Variants in FGF14 observed in about 807,000 individuals in gnomAD.
FGF14 encodes fibroblast growth factor homologous factor 4.
In FGF14, 5 loss-of-function variants were observed where a neutral mutation model predicts 25.5. The ratio of observed to expected loss-of-function variants is 0.20; its 90% CI spans 0.10 to 0.41. The LOEUF (loss-of-function observed/expected upper bound fraction) is 0.41, where lower values mean the gene tolerates loss of function less well. Ranked by LOEUF, FGF14 falls within the 10% of genes least tolerant of loss-of-function variation. FGF14 has a pLI of 1.00. For synonymous variants in FGF14, 138 were observed against 118.3 expected (o/e 1.17, Z -1.08); for missense variants, 222 against 320.1 (o/e 0.69, Z 2.34).
At chr13:102,061,025 G>T (rs893846944) in intron 1 of FGF14, among the ~76,000 whole-genome samples, 1 of 152,172 alleles carries the variant, frequency 6.6e-6, no homozygotes, top group Non-Finnish European at 1.5e-5. Flanking sequence ...TGGGAGGAGA[G>T]CCCGGCAGCT....
chr13:102,009,313 A>G (rs1001964466), intron 1 of FGF14, among the ~76,000 whole-genome samples: 3 of 152,236 alleles, frequency 2.0e-5, no homozygotes, highest in African/African-American at 4.8e-5. Flanking sequence ...TCGGTAATAG[A>G]TATTTACAAT....
intron 1 of FGF14, among the ~76,000 whole-genome samples, chr13:101,993,535 A>G (rs2039017281): frequency 6.6e-6 from 1 of 152,068 alleles, no homozygotes; most frequent in African/African-American, 2.4e-5. Context: ...TGAATAGTGA[A>G]ATGTATGGCA....
At chr13:102,180,390 G>A (rs1476120074) in intron 1 of FGF14, among the ~76,000 whole-genome samples, 1 of 152,054 alleles carries the variant, frequency 6.6e-6, no homozygotes, top group Non-Finnish European at 1.5e-5. Context: ...TCAGCTCACT[G>A]CAACCTTTGC....
At chr13:102,398,974 T>G (rs1283421970) in intron 1 of FGF14, among the ~76,000 whole-genome samples, 1 of 151,476 alleles carries the variant, frequency 6.6e-6, no homozygotes, top group African/African-American at 2.4e-5. Flanking sequence ...AATTATCCTA[T>G]TAGAATAGTT....
intron 1 of FGF14, among the ~76,000 whole-genome samples, chr13:101,891,550 T>G (rs2029861260): frequency 6.6e-6 from 1 of 152,202 alleles, no homozygotes; most frequent in Non-Finnish European, 1.5e-5. Context: ...TAGCCATTAT[T>G]CACTGTGTCA....
At chr13:102,082,681 G>A (rs531120561) in intron 1 of FGF14, among the ~76,000 whole-genome samples, 14 of 152,278 alleles carry the variant, frequency 9.2e-5, no homozygotes, top group East Asian at 5.8e-4. Context: ...GGGGCCGGGC[G>A]CGGTGGCTCA....
intron 1 of FGF14, among the ~76,000 whole-genome samples, chr13:102,156,223 A>G (rs372938504): frequency 6.6e-6 from 1 of 152,016 alleles, no homozygotes; most frequent in African/African-American, 2.4e-5. Flanking sequence ...AGAATTTTAG[A>G]CCAATATCCC....
chr13:101,821,372 G>C (rs2042147968), intron 3 of FGF14, among the ~76,000 whole-genome samples: 1 of 152,124 alleles, frequency 6.6e-6, no homozygotes, highest in African/African-American at 2.4e-5. Flanking sequence ...TGTATCAATA[G>C]TGTGTTACTT....
At chr13:102,116,936 A>T (rs670354) in intron 1 of FGF14, among the ~76,000 whole-genome samples, 1 of 152,120 alleles carries the variant, frequency 6.6e-6, no homozygotes, top group African/African-American at 2.4e-5. Context: ...TGATCAGCCC[A>T]CTTGGGGTCA....
chr13:101,859,414 T>G (rs1040610733), intron 3 of FGF14, among the ~76,000 whole-genome samples: 2 of 152,096 alleles, frequency 1.3e-5, no homozygotes, highest in African/African-American at 4.8e-5. Context: ...TTATTTTTTC[T>G]TTTTCAATTT....
At chr13:101,900,646 A>G (rs2031416497) in intron 1 of FGF14, among the ~76,000 whole-genome samples, 1 of 152,202 alleles carries the variant, frequency 6.6e-6, no homozygotes. Flanking sequence ...ATTGTGTTAG[A>G]AGTCAAGAGA....
intron 3 of FGF14, among the ~76,000 whole-genome samples, chr13:101,777,479 A>G (rs1429628760): frequency 1.3e-5 from 2 of 152,116 alleles, no homozygotes; most frequent in Non-Finnish European, 2.9e-5. Context: ...CAGGTTTGAC[A>G]TCTGAATTTA....
chr13:102,020,824 A>T (rs192990581), intron 1 of FGF14, among the ~76,000 whole-genome samples: 35 of 152,156 alleles, frequency 2.3e-4, no homozygotes, highest in Non-Finnish European at 4.1e-4. Flanking sequence ...TACAATGTGT[A>T]CTCAGAGTTA....
intron 1 of FGF14, among the ~76,000 whole-genome samples, chr13:102,088,020 T>C (rs1005672512): frequency 6.6e-6 from 1 of 152,252 alleles, no homozygotes; most frequent in African/African-American, 2.4e-5. Context: ...TGGTGGTTAC[T>C]TAACTTTGCA....
At chr13:101,823,484 C>A (rs1361897642) in intron 3 of FGF14, among the ~76,000 whole-genome samples, 1 of 150,448 alleles carries the variant, frequency 6.6e-6, no homozygotes, top group Non-Finnish European at 1.5e-5. Context: ...GTTGCCCAGG[C>A]TGGAGTGCAA....
chr13:102,086,395 T>A (rs542358788), intron 1 of FGF14, among the ~76,000 whole-genome samples: 1 of 151,870 alleles, frequency 6.6e-6, no homozygotes, highest in Non-Finnish European at 1.5e-5. Context: ...CCGGGCGTGG[T>A]GGCGGGCGCA....
rs2034925866 is a variant in FGF14, at chr13:101,720,853, C to T, written c.*1978G>A. On this transcript the variant is annotated 3_prime_UTR_variant, in exon 5 of 5. Coordinates refer to ENST00000376143, the MANE Select transcript of FGF14 (RefSeq NM_004115.4). Reference sequence around the variant, plus strand: ...ATCATTGGCAATAAATCTACTCAAACGTTCTGCTAACTTTTTATTTATTCA... The same window carrying T: ...ATCATTGGCAATAAATCTACTCAAATGTTCTGCTAACTTTTTATTTATTCA... 2 of 152,050 alleles carry T rather than the reference C, an allele frequency of 1.3e-5. No individual in the cohort carries two copies. The highest frequency in any genetic ancestry group is 4.8e-5 in the African/African-American group (2 of 41,412). 9.4% of individuals were successfully genotyped at this position (152,050 alleles called of 1,614,324 possible).
chr13:101,935,435 A>C (rs1183473241), intron 1 of FGF14, among the ~76,000 whole-genome samples: 1 of 152,198 alleles, frequency 6.6e-6, no homozygotes, highest in East Asian at 1.9e-4. Context: ...TGCAGTTCCC[A>C]TAATCCCCTG....
chr13:101,901,994 A>C (rs962492005), intron 1 of FGF14, among the ~76,000 whole-genome samples: 5 of 152,192 alleles, frequency 3.3e-5, no homozygotes, highest in Non-Finnish European at 7.3e-5. Flanking sequence ...TCACCACATC[A>C]AAGTTTTTGT....
Sources: allele counts gnomAD v4.1 joint callset (sites outside exome capture counted in the v4.1 genomes callset), GRCh38; gene constraint gnomAD v4.1.1; transcripts MANE v1.5; gene names NCBI Gene and HGNC (gene_info 2026-07-23, HGNC 2026-07-21).